The following TBC1D12 variants were observed in gnomAD, a reference collection of about 807,000 sequenced individuals.
The protein encoded by TBC1D12 is TBC1 domain family, member 12.
In TBC1D12, 56 loss-of-function variants were observed where a neutral mutation model predicts 86.7. The observed-to-expected ratio is 0.65, with a 90% CI of 0.52 to 0.81. The LOEUF (loss-of-function observed/expected upper bound fraction) is 0.81, where lower values mean the gene tolerates loss of function less well. TBC1D12 is among the 30% of genes least tolerant of loss of function. TBC1D12 has a pLI of 0.00. For synonymous variants in TBC1D12, 421 were observed against 411.7 expected, an observed-to-expected ratio of 1.02 and a Z score of -0.27; for missense variants, 1,023 against 1,038.8, an observed-to-expected ratio of 0.98 and a Z score of 0.21.
intron 2 of TBC1D12, among the ~76,000 whole-genome samples, chr10:94,457,591 T>C (rs931572541): frequency 2.0e-5 from 3 of 152,194 alleles, no homozygotes; most frequent in Non-Finnish European, 4.4e-5. Context: ...CTCTGTGTTT[T>C]AATTGGTGCA....
intron 1 of TBC1D12, among the ~76,000 whole-genome samples, chr10:94,427,224 C>T (rs2055158864): frequency 6.6e-6 from 1 of 152,184 alleles, no homozygotes; most frequent in Non-Finnish European, 1.5e-5. Context: ...CACCTTTCTC[C>T]TATGTTAAAA....
intron 9 of TBC1D12, among the ~76,000 whole-genome samples, chr10:94,514,056 A>C (rs1457807001): frequency 2.0e-5 from 3 of 151,928 alleles, no homozygotes; most frequent in Non-Finnish European, 2.9e-5. Context: ...AAAACAAAAA[A>C]AAAAAAACAG....
chr10:94,469,314 A>T (rs998984840), intron 2 of TBC1D12, among the ~76,000 whole-genome samples: 1 of 152,108 alleles, frequency 6.6e-6, no homozygotes, highest in Non-Finnish European at 1.5e-5. Context: ...TTTTGCTTGT[A>T]GCTCCTCAGG....
intron 1 of TBC1D12, among the ~76,000 whole-genome samples, chr10:94,405,475 A>C (rs952735120): frequency 4.6e-5 from 7 of 152,234 alleles, no homozygotes; most frequent in Non-Finnish European, 1.0e-4. Context: ...TATTTGTAAT[A>C]TAGTTGCAAA....
At chr10:94,437,503 T>A (rs2055319873) in intron 1 of TBC1D12, among the ~76,000 whole-genome samples, 1 of 151,994 alleles carries the variant, frequency 6.6e-6, no homozygotes, top group Non-Finnish European at 1.5e-5. Context: ...ATTTTTTGTA[T>A]TTTTAGTAGA....
chr10:94,448,885 C>T (rs760057702), intron 2 of TBC1D12, among the ~76,000 whole-genome samples: 1 of 152,108 alleles, frequency 6.6e-6, no homozygotes, highest in South Asian at 2.1e-4. Flanking sequence ...CTTCTAGTTG[C>T]GTGTGTGTTC....
At chr10:94,449,693 T>C (rs997292282) in intron 2 of TBC1D12, among the ~76,000 whole-genome samples, 6 of 152,146 alleles carry the variant, frequency 3.9e-5, no homozygotes, top group African/African-American at 1.4e-4. Flanking sequence ...TTAAGGGGAG[T>C]GTTCCTACTG....
At chr10:94,465,152 A>G (rs537303906) in intron 2 of TBC1D12, among the ~76,000 whole-genome samples, 6 of 152,238 alleles carry the variant, frequency 3.9e-5, no homozygotes, top group Non-Finnish European at 5.9e-5. Flanking sequence ...AGAAAAATGC[A>G]TTGGTCTTTC....
intron 1 of TBC1D12, among the ~76,000 whole-genome samples, chr10:94,414,215 A>G (rs517784): frequency 0.45 from 67,784 of 151,888 alleles, 15,491 homozygotes; most frequent in East Asian, 0.79. Flanking sequence ...GGTTTGGAAG[A>G]AAGTATGGTA....
chr10:94,415,394 T>C (rs1244732600), intron 1 of TBC1D12, among the ~76,000 whole-genome samples: 1 of 152,116 alleles, frequency 6.6e-6, no homozygotes, highest in East Asian at 1.9e-4. Context: ...ACAAAGGACT[T>C]GTGGTTCAGA....
intron 9 of TBC1D12, among the ~76,000 whole-genome samples, chr10:94,515,038 G>A (rs1436938560): frequency 6.7e-6 from 1 of 148,358 alleles, no homozygotes; most frequent in African/African-American, 2.5e-5. Flanking sequence ...CTCCCAAGTA[G>A]CTGGGACTAC....
At chr10:94,522,236 A>T in intron 10 of TBC1D12, 108 bp from the exon 11 acceptor site, 1 of 1,170,504 alleles carries the variant, frequency 8.5e-7, no homozygotes, top group Non-Finnish European at 1.2e-6. Context: ...AGACTCAGAA[A>T]AAGATGAGAT....
intron 1 of TBC1D12, among the ~76,000 whole-genome samples, chr10:94,425,869 A>G (rs2055138515): frequency 6.6e-6 from 1 of 152,102 alleles, no homozygotes. Flanking sequence ...TGACATTTTC[A>G]GCATACACAT....
intron 3 of TBC1D12, among the ~76,000 whole-genome samples, chr10:94,492,794 A>G (rs1173794042): frequency 6.6e-6 from 1 of 152,218 alleles, no homozygotes; most frequent in Non-Finnish European, 1.5e-5. Context: ...GGAATGTTCT[A>G]TATCTTGATT....
At chr10:94,495,957 G>T (rs1292547012) in intron 4 of TBC1D12, among the ~76,000 whole-genome samples, 1 of 152,064 alleles carries the variant, frequency 6.6e-6, no homozygotes, top group Non-Finnish European at 1.5e-5. Context: ...CAAAAAATTA[G>T]CTGGGCATGG....
rs771007187 is a variant in TBC1D12 at position 94,522,047 on chromosome 10, A to T, written c.1854A>T (p.Pro618=). The T allele has an allele frequency of 1.2e-6, 2 of 1,612,954 alleles. No homozygotes were observed. The highest frequency in any genetic ancestry group is 1.7e-6 in the Non-Finnish European group (2 of 1,179,210). The part of the protein sequence containing the change: ...FIAFANLLNK[P]CQLAFFRVDH... ...CATTTGCCAATCTCCTGAATAAGCC[A>T]TGCCAGTTGGCCTTTTTTCGTGTGG... The change falls in exon 10 of 13, where the codon CCA becomes CCT. Residue 618 remains proline, a synonymous_variant. Transcript: ENST00000225235.
At chr10:94,499,247 A>T (rs1166499190) in intron 5 of TBC1D12, among the ~76,000 whole-genome samples, 1 of 152,218 alleles carries the variant, frequency 6.6e-6, no homozygotes, top group Non-Finnish European at 1.5e-5. Flanking sequence ...TCTATGTAAT[A>T]GGTCACTAAC....
intron 2 of TBC1D12, among the ~76,000 whole-genome samples, chr10:94,447,994 T>C (rs964755232): frequency 5.9e-5 from 9 of 151,684 alleles, no homozygotes; most frequent in Admixed American, 2.0e-4. Context: ...GAAAACGAAA[T>C]TGTAGTGCTT....
In TBC1D12 at chr10:94,527,082, T is replaced by TTGTGTGTG. The variant is rs60647037; in HGVS notation, c.2001-4103_2001-4096dup. On this transcript the variant is annotated intron_variant, in intron 11 of 12. Coordinates refer to ENST00000225235, the MANE Select transcript of TBC1D12 (RefSeq NM_015188.2). The stretch of plus-strand genomic sequence containing the variant: ...TTTGCCCATTTTTTAGCTGGATTGA[T>TTGTGTGTG]TGTGTGTGTGTGTGTGTGTGTGTGA... Among the ~76,000 whole-genome samples, 1,072 of 148,258 alleles carry TTGTGTGTG rather than the reference T, an allele frequency of 7.2e-3. 6 individuals are homozygous for TTGTGTGTG. Among genetic ancestry groups the TTGTGTGTG allele is most frequent in the Middle Eastern group, 0.017 (5 of 286 alleles).
Sources: allele counts gnomAD v4.1 joint callset (sites outside exome capture counted in the v4.1 genomes callset), GRCh38; gene constraint gnomAD v4.1.1; transcripts MANE v1.5; gene names NCBI Gene and HGNC (gene_info 2026-07-23, HGNC 2026-07-21).